Variants in CFHR5 observed in about 807,000 individuals in gnomAD.
CFHR5 encodes the protein complement factor H-related protein 5.
A neutral mutation model predicts 62.9 loss-of-function variants in CFHR5; 73 were observed. The observed-to-expected ratio is 1.16, with a 90% CI of 0.96 to 1.41. The LOEUF is 1.41. CFHR5 is among the 40% of genes most tolerant of loss of function. CFHR5 has a pLI of 0.00. For synonymous variants in CFHR5, 249 were observed against 227.2 expected, an observed-to-expected ratio of 1.10 and a Z score of -0.86; for missense variants, 779 against 679.9, an observed-to-expected ratio of 1.15 and a Z score of -1.62.
intron 7 of CFHR5, among the ~76,000 whole-genome samples, chr1:196,999,706 TATA>T (rs1654084895): frequency 2.0e-5 from 1 of 51,022 alleles, no homozygotes; most frequent in Non-Finnish European, 4.1e-5. Flanking sequence ...TATATATATA[TATA>T]TATATATATA....
At chr1:196,981,720 C>G (rs548568386) in intron 1 of CFHR5, among the ~76,000 whole-genome samples, 1 of 152,016 alleles carries the variant, frequency 6.6e-6, no homozygotes, top group East Asian at 1.9e-4. Context: ...TCCACAGATG[C>G]TCAAGTCTCT....
chr1:197,005,938 G>C, intron 9 of CFHR5, among the ~76,000 whole-genome samples: 1 of 152,154 alleles, frequency 6.6e-6, no homozygotes, highest in East Asian at 1.9e-4. Flanking sequence ...AACTCAGAAA[G>C]TGTTGAGTTA....
At chr1:196,986,139 C>G (rs1320170207) in intron 3 of CFHR5, among the ~76,000 whole-genome samples, 1 of 152,040 alleles carries the variant, frequency 6.6e-6, no homozygotes, top group African/African-American at 2.4e-5. Flanking sequence ...TGGTAGCTCA[C>G]GAACACTGTG....
chr1:197,003,489 T>C (rs1023466391), intron 8 of CFHR5, among the ~76,000 whole-genome samples: 9 of 152,178 alleles, frequency 5.9e-5, no homozygotes, highest in African/African-American at 2.2e-4. Context: ...GAATATCTTC[T>C]TGTCATTAAG....
Position 197,002,483 on chromosome 1 carries a change from A to G in CFHR5, c.1149A>G (p.Glu383=). 1.2e-6 allele frequency: 2 copies of G among 1,611,698 alleles called. No individual in the cohort carries two copies. The highest frequency in any genetic ancestry group is 1.7e-6 in the Non-Finnish European group (2 of 1,178,284). ...TAATTTAATTCCAATATTTTGTAGA[A>G]AAAAGGGAACAATTCTGCCCACCGC... ...GKWNPEVDCT[E]KREQFCPPPP... Residue 383 remains glutamate, a splice_region_variant and synonymous_variant, in exon 8 of 10, where the codon GAA becomes GAG. Transcript: ENST00000256785.
At chr1:196,994,954 A>G (rs1272769660) in intron 4 of CFHR5, among the ~76,000 whole-genome samples, 1 of 152,130 alleles carries the variant, frequency 6.6e-6, no homozygotes, top group African/African-American at 2.4e-5. Context: ...TAGCACAGGA[A>G]AGATCCGCCC....
chr1:197,006,997 C>T (rs1404306842), intron 9 of CFHR5, among the ~76,000 whole-genome samples: 6 of 151,632 alleles, frequency 4.0e-5, no homozygotes, highest in African/African-American at 1.2e-4. Flanking sequence ...CCACCATGCC[C>T]GGCTAATTTT....
intron 8 of CFHR5, among the ~76,000 whole-genome samples, chr1:197,003,349 T>C (rs1476231528): frequency 2.6e-5 from 4 of 152,042 alleles, no homozygotes; most frequent in Non-Finnish European, 5.9e-5. Context: ...AGCCAGGGGT[T>C]TGGGGACAAT....
Position 197,009,052 on chromosome 1 carries a change from A to G in CFHR5, c.*369A>G. The G allele has an allele frequency of 5.5e-6, 1 of 182,676 alleles. No homozygotes were observed. The highest frequency in any genetic ancestry group is 1.2e-4 in the South Asian group (1 of 8,292). 11.3% of individuals were successfully genotyped at this position (182,676 alleles called of 1,614,324 possible). A position where few individuals can be genotyped will look rare whatever the true frequency, so the allele number is the denominator to read the frequency against. On this transcript the variant is annotated 3_prime_UTR_variant, in exon 10 of 10. Coordinates refer to ENST00000256785, the MANE Select transcript of CFHR5 (RefSeq NM_030787.4). ...GCTGGAAGGCATCACAACATGGTGGAAGGGATCACGTGGCAAAAGAGCATG... is the reference window on the plus strand; with the variant it reads ...GCTGGAAGGCATCACAACATGGTGGGAGGGATCACGTGGCAAAAGAGCATG...
chr1:196,976,349 G>A (rs961211466), upstream of CFHR5, among the ~76,000 whole-genome samples: 1 of 152,082 alleles, frequency 6.6e-6, no homozygotes, highest in Non-Finnish European at 1.5e-5. Context: ...GTATCCTCTA[G>A]TCTTCTCTGA....
At chr1:196,994,570 G>A (rs540611170) in intron 4 of CFHR5, among the ~76,000 whole-genome samples, 5 of 152,036 alleles carry the variant, frequency 3.3e-5, no homozygotes, top group South Asian at 2.1e-4. Flanking sequence ...AATATTGTAC[G>A]AACAATGTTA....
In CFHR5 at chr1:196,977,900, T is replaced by C. The variant is rs12755054; in HGVS notation, c.58+178T>C. Reference sequence around the variant, plus strand: ...TCCAACATGCAATTAGCAGGAAAATTGAATGAAATTAATTCTCTCCGTTCT... The same window carrying C: ...TCCAACATGCAATTAGCAGGAAAATCGAATGAAATTAATTCTCTCCGTTCT... On this transcript the variant is annotated intron_variant, in intron 1 of 9. Transcript: ENST00000256785. Among the ~76,000 whole-genome samples, 63,628 of 152,040 alleles carry C rather than the reference T, an allele frequency of 0.42. 15,588 individuals are homozygous for C. Among genetic ancestry groups the C allele is most frequent in the African/African-American group, 0.69 (28,625 of 41,454 alleles).
chr1:196,985,245 C>T (rs138763841), intron 3 of CFHR5, among the ~76,000 whole-genome samples: 3 of 152,174 alleles, frequency 2.0e-5, no homozygotes, highest in Admixed American at 6.5e-5. Context: ...CTGTAGTCCC[C>T]GCCACTGGCA....
intron 3 of CFHR5, among the ~76,000 whole-genome samples, chr1:196,986,774 G>T (rs1180159653): frequency 3.9e-5 from 6 of 152,098 alleles, no homozygotes; most frequent in African/African-American, 1.4e-4. Flanking sequence ...ATCACTTACG[G>T]ACATTTGGGC....
intron 3 of CFHR5, among the ~76,000 whole-genome samples, chr1:196,991,639 G>A (rs1011417997): frequency 2.6e-5 from 4 of 152,192 alleles, no homozygotes; most frequent in Admixed American, 2.0e-4. Flanking sequence ...CTGCAGGTCT[G>A]TTGGATTTTG....
intron 3 of CFHR5, among the ~76,000 whole-genome samples, chr1:196,993,713 C>A (rs1351650525): frequency 6.6e-6 from 1 of 151,864 alleles, no homozygotes; most frequent in Non-Finnish European, 1.5e-5. Flanking sequence ...AAAAAATATT[C>A]CTATTCTGTA....
chr1:196,995,437 G>A (rs1041283357), intron 4 of CFHR5, among the ~76,000 whole-genome samples: 6 of 152,100 alleles, frequency 3.9e-5, no homozygotes, highest in Admixed American at 1.3e-4. Context: ...TAAGTAAATA[G>A]GGCAAAGTGT....
chr1:197,000,244 C>T (rs141649840), intron 7 of CFHR5, among the ~76,000 whole-genome samples: 9 of 152,092 alleles, frequency 5.9e-5, no homozygotes, highest in African/African-American at 1.4e-4. Flanking sequence ...TAGGTAAGAA[C>T]GTTATTAGGT....
chr1:196,987,822 T>C (rs1180173366), intron 3 of CFHR5, among the ~76,000 whole-genome samples: 1 of 152,214 alleles, frequency 6.6e-6, no homozygotes, highest in Non-Finnish European at 1.5e-5. Context: ...AGCTTTGTTC[T>C]TTTTGCTTAG....
Sources: gnomAD v4.1 joint callset for allele counts (sites outside exome capture counted in the v4.1 genomes callset) on GRCh38, gnomAD v4.1.1 for gene constraint, MANE v1.5 for transcripts, NCBI Gene and HGNC (gene_info 2026-07-23, HGNC 2026-07-21) for gene names.